The following FHIT variants were observed in gnomAD, a reference collection of about 807,000 sequenced individuals.
The protein encoded by FHIT is fragile histidine triad diadenosine triphosphatase.
Under a neutral mutation model 17.9 loss-of-function variants are expected in FHIT, and 19 were observed. That is an observed-to-expected ratio of 1.06 (90% CI 0.74 to 1.56). The LOEUF (loss-of-function observed/expected upper bound fraction) is 1.56, where lower values mean the gene tolerates loss of function less well. Among genes scored for constraint, FHIT ranks in the 40% most tolerant of loss-of-function variants. The pLI is 0.00. For synonymous variants in FHIT, 81 were observed against 69.7 expected, an observed-to-expected ratio of 1.16 and a Z score of -0.81; for missense variants, 248 against 189.2, an observed-to-expected ratio of 1.31 and a Z score of -1.82.
chr3:60,607,274 C>T (rs1166217259), intron 4 of FHIT, among the ~76,000 whole-genome samples: 2 of 151,928 alleles, frequency 1.3e-5, no homozygotes, highest in East Asian at 3.9e-4. Context: ...GAAATAGAAG[C>T]TTTGAATTGC....
chr3:59,817,580 AG>A (rs1454895554), intron 8 of FHIT, among the ~76,000 whole-genome samples: 37 of 117,772 alleles, frequency 3.1e-4, no homozygotes, highest in Middle Eastern at 4.7e-3. Context: ...AAAAAAAAAA[AG>A]AAAGAAAGAA....
chr3:61,172,498 G>C (rs2038034436), intron 2 of FHIT, among the ~76,000 whole-genome samples: 1 of 152,174 alleles, frequency 6.6e-6, no homozygotes, highest in Non-Finnish European at 1.5e-5. Context: ...AATGGAAGGA[G>C]ACTGACATCC....
intron 4 of FHIT, among the ~76,000 whole-genome samples, chr3:60,710,435 C>T (rs1426021954): frequency 2.0e-5 from 3 of 152,184 alleles, no homozygotes; most frequent in African/African-American, 7.2e-5. Context: ...AGAGTGGGTG[C>T]AGTGCACCGT....
In FHIT at chr3:60,179,393, A is replaced by G. The variant is rs181135991; in HGVS notation, c.104-165241T>C. Among the ~76,000 whole-genome samples, 155 of 152,326 alleles carry G rather than the reference A, an allele frequency of 1.0e-3. 3 individuals are homozygous for G. Among genetic ancestry groups the G allele is most frequent in the Admixed American group, 9.8e-3 (150 of 15,298 alleles). ...TTCTATAAAGCAAAACCATTTTGAA[A>G]TATCTGTCCTGTGTGACATCACAAT... On this transcript the variant is annotated intron_variant, in intron 5 of 9. Transcript: ENST00000492590.
intron 8 of FHIT, among the ~76,000 whole-genome samples, chr3:59,915,558 C>G (rs1262692777): frequency 6.6e-6 from 1 of 152,154 alleles, no homozygotes; most frequent in African/African-American, 2.4e-5. Context: ...CTTTAGTGTC[C>G]AATGACTTCA....
chr3:60,312,226 C>T (rs953000173), intron 5 of FHIT, among the ~76,000 whole-genome samples: 2 of 152,204 alleles, frequency 1.3e-5, no homozygotes, highest in African/African-American at 4.8e-5. Flanking sequence ...ACCTCAAACA[C>T]CTGGGCTCAA....
chr3:59,796,675 G>A (rs1031307332), intron 8 of FHIT, among the ~76,000 whole-genome samples: 1 of 152,196 alleles, frequency 6.6e-6, no homozygotes, highest in African/African-American at 2.4e-5. Flanking sequence ...ATGCAAAGGA[G>A]GGTTCAATTT....
At chr3:60,351,282 G>T (rs1251558781) in intron 5 of FHIT, among the ~76,000 whole-genome samples, 1 of 152,122 alleles carries the variant, frequency 6.6e-6, no homozygotes, top group African/African-American at 2.4e-5. Flanking sequence ...TTTATTTTTT[G>T]TAATAGTACT....
chr3:59,803,073 C>G (rs979731121), intron 8 of FHIT, among the ~76,000 whole-genome samples: 1 of 152,144 alleles, frequency 6.6e-6, no homozygotes, highest in African/African-American at 2.4e-5. Flanking sequence ...ATACCAGGCA[C>G]GGGATGAATG....
At chr3:60,770,959 G>T (rs1553722917) in intron 4 of FHIT, among the ~76,000 whole-genome samples, 1 of 152,182 alleles carries the variant, frequency 6.6e-6, no homozygotes. Flanking sequence ...GGCAAAGATT[G>T]TTTTAATCAT....
At chr3:60,379,229 A>G (rs1458738069) in intron 5 of FHIT, among the ~76,000 whole-genome samples, 1 of 152,186 alleles carries the variant, frequency 6.6e-6, no homozygotes, top group African/African-American at 2.4e-5. Flanking sequence ...AATAGATTTC[A>G]TTCTAAATTT....
rs981629243 is a variant in FHIT at position 59,952,812 on chromosome 3, C to A, written c.280-30398G>T. 2.0e-5 allele frequency among the ~76,000 whole-genome samples: 3 copies of A among 152,156 alleles called. No individual in the cohort carries two copies. In the South Asian group the frequency reaches 6.2e-4, roughly 32 times the overall value. ...TTTGGAGGGCTAGAGGGTGCAAAAA[C>A]GTCCTTATCCATTAGGGTCACACTC... On this transcript the variant is annotated intron_variant, in intron 7 of 9. Transcript: ENST00000492590.
chr3:60,868,972 C>T (rs1704279257), intron 3 of FHIT, among the ~76,000 whole-genome samples: 1 of 152,028 alleles, frequency 6.6e-6, no homozygotes, highest in East Asian at 1.9e-4. Flanking sequence ...CAGTCTTTGG[C>T]CTTTTAATAC....
chr3:61,105,827 A>G (rs770339743), intron 2 of FHIT, among the ~76,000 whole-genome samples: 4 of 152,250 alleles, frequency 2.6e-5, no homozygotes, highest in African/African-American at 9.6e-5. Context: ...GAATTGCAGA[A>G]TAAACAAAAC....
At chr3:59,860,654 C>T (rs1038838583) in intron 8 of FHIT, among the ~76,000 whole-genome samples, 1 of 152,102 alleles carries the variant, frequency 6.6e-6, no homozygotes, top group Non-Finnish European at 1.5e-5. Context: ...ACAGGGCAGT[C>T]AGTGTGTATC....
chr3:61,186,841 C>G (rs756957304), intron 2 of FHIT, among the ~76,000 whole-genome samples: 2 of 152,220 alleles, frequency 1.3e-5, no homozygotes, highest in Non-Finnish European at 2.9e-5. Flanking sequence ...TCTTCACCCA[C>G]TCCTTACAAG....
rs144826793 is a variant in FHIT, at chr3:60,253,728, A to T, written c.104-239576T>A. On this transcript the variant is annotated intron_variant, in intron 5 of 9. Coordinates refer to ENST00000492590, the MANE Select transcript of FHIT (RefSeq NM_002012.4). ...AAGGAAGTCACAATTTCATTCTGAA[A>T]ACTAATCCACCTTCTTATCAGCCAA... 5.5e-3 allele frequency among the ~76,000 whole-genome samples: 835 copies of T among 152,326 alleles called. 2 individuals are homozygous for T. The highest frequency in any genetic ancestry group is 8.9e-3 in the Non-Finnish European group (608 of 68,026).
intron 5 of FHIT, among the ~76,000 whole-genome samples, chr3:60,450,533 G>A (rs1464261398): frequency 6.6e-6 from 1 of 152,148 alleles, no homozygotes; most frequent in Non-Finnish European, 1.5e-5. Flanking sequence ...GAGGAAGTGA[G>A]TTTGAGAGGG....
At chr3:59,952,379 A>T (rs1206855735) in intron 7 of FHIT, among the ~76,000 whole-genome samples, 1 of 152,128 alleles carries the variant, frequency 6.6e-6, no homozygotes, top group Non-Finnish European at 1.5e-5. Flanking sequence ...GACCCTCGGG[A>T]CATGCAGACA....
Sources: gnomAD v4.1 joint callset for allele counts (sites outside exome capture counted in the v4.1 genomes callset) on GRCh38, gnomAD v4.1.1 for gene constraint, MANE v1.5 for transcripts, NCBI Gene and HGNC (gene_info 2026-07-23, HGNC 2026-07-21) for gene names.